The following SH2D3C variants were observed in gnomAD, a reference collection of about 807,000 sequenced individuals.
SH2D3C encodes the protein SH2 domain-containing protein 3C.
A neutral mutation model predicts 75.2 loss-of-function variants in SH2D3C; 25 were observed. That is an observed-to-expected ratio of 0.33 (90% CI 0.24 to 0.46). The LOEUF is 0.46. SH2D3C is among the 20% of genes least tolerant of loss of function. SH2D3C has a pLI of 1.00. For synonymous variants in SH2D3C, 450 were observed against 473.7 expected (o/e 0.95, Z 0.65); for missense variants, 933 against 1,165.3 (o/e 0.80, Z 2.90).
chr9:127,767,218 C>T (rs1413291979), intron 2 of SH2D3C: 9 of 1,511,210 alleles, frequency 6.0e-6, no homozygotes, highest in Middle Eastern at 4.7e-4. Context: ...CCATTCTTCC[C>T]AGAGCGGAGC....
At chr9:127,758,175 T>C (rs965542991) in intron 3 of SH2D3C, among the ~76,000 whole-genome samples, 4 of 152,050 alleles carry the variant, frequency 2.6e-5, no homozygotes, top group East Asian at 1.9e-4. Context: ...GATCTTGCTA[T>C]GTTGCCCAGG....
intron 5 of SH2D3C, among the ~76,000 whole-genome samples, chr9:127,748,004 G>A (rs1428650214): frequency 6.6e-6 from 1 of 152,162 alleles, no homozygotes; most frequent in African/African-American, 2.4e-5. Flanking sequence ...TTCCCAAGGA[G>A]GAGAGGATGG....
chr9:127,749,792 A>G lies in SH2D3C; in HGVS notation c.685-127T>C, dbSNP rs2233500. ...CCAGACCCAGGGCATAGAGGACCCA[A>G]TGAACAGAGACATCTGACATCTGAG... On this transcript the variant is annotated intron_variant, in intron 4 of 11. Coordinates refer to ENST00000314830, the MANE Select transcript of SH2D3C (RefSeq NM_170600.3). This position sits in a 1 kb window ranked among gnomAD's most constrained non-coding sequence, Gnocchi z 5.9. 41,796 of 644,060 alleles carry G rather than the reference A, an allele frequency of 0.065. 2,659 individuals are homozygous for G. The highest frequency in any genetic ancestry group is 0.26 in the African/African-American group (14,399 of 55,458). The allele number at this position is 644,060 out of a possible 1,614,324, so 39.9% of individuals were successfully genotyped here. A position where few individuals can be genotyped will look rare whatever the true frequency, so the allele number is the denominator to read the frequency against.
In SH2D3C at chr9:127,749,557, A is replaced by T; in HGVS notation, c.793T>A (p.Phe265Ile). 2 of 1,613,246 alleles carry T rather than the reference A, an allele frequency of 1.2e-6. No homozygotes were observed. Among genetic ancestry groups the T allele is most frequent in the Non-Finnish European group, 1.7e-6 (2 of 1,179,590 alleles). The change falls in exon 5 of 12, where the codon TTC becomes ATC. Residue 265 changes from phenylalanine to isoleucine, a missense_variant. Coordinates refer to ENST00000314830, the MANE Select transcript of SH2D3C (RefSeq NM_170600.3). The surrounding 1 kb of genome is among the most constrained non-coding windows in gnomAD (Gnocchi z 5.9). ...TCRWRNQALH[F>I]KINKVVVKAG... is the part of the protein sequence containing the mutation. ...TTCACCACCACCTTGTTGATCTTGA[A>T]GTGCAAGGCCTGGTTGCGCCAGCGG...
chr9:127,764,365 AT>A (rs1014669208), intron 2 of SH2D3C, among the ~76,000 whole-genome samples: 1 of 152,124 alleles, frequency 6.6e-6, no homozygotes, highest in Non-Finnish European at 1.5e-5. Flanking sequence ...TGCCTGGACT[AT>A]CACCACCACC....
Position 127,761,596 on chromosome 9 carries a change from G to A in SH2D3C, c.555+15C>T, listed in dbSNP as rs778435851. 3.7e-6 allele frequency: 6 copies of A among 1,603,770 alleles called. No homozygotes were observed. Among genetic ancestry groups the A allele is most frequent in the Non-Finnish European group, 4.3e-6 (5 of 1,172,198 alleles). On this transcript the variant is annotated intron_variant, in intron 3 of 11. Transcript: ENST00000314830. ...TTCAGTGTCCTCTGACCAACCCCTG[G>A]CCAGCCCCTCCTACCTTCACATAGT...
Position 127,744,779 on chromosome 9 carries a change from A to G in SH2D3C, c.1585T>C (p.Ser529Pro). The G allele has an allele frequency of 6.2e-7, 1 of 1,614,064 alleles. No individual in the cohort carries two copies. Among genetic ancestry groups the G allele is most frequent in the South Asian group, 1.1e-5 (1 of 91,080 alleles). Residue 529 changes from serine (S) to proline (P), a missense_variant, in exon 7 of 12, where the codon TCA becomes CCA. By Grantham distance (74) the Ser-to-Pro change is moderately conservative. Coordinates refer to ENST00000314830, the MANE Select transcript of SH2D3C (RefSeq NM_170600.3). The stretch of plus-strand genomic sequence containing the variant: ...TCCCCTTCAGGGGCCCCATTTTCTG[A>G]CAGTTCCTTTAGCCTCTCCCCATAG... Reference protein sequence around the residue: ...RSYGERLKELSENGAPEGDWG... With the variant: ...RSYGERLKELPENGAPEGDWG...
chr9:127,750,059 G>C (rs1016629367), intron 4 of SH2D3C, among the ~76,000 whole-genome samples: 1 of 152,012 alleles, frequency 6.6e-6, no homozygotes, highest in African/African-American at 2.4e-5. Context: ...CCAGTGCTCT[G>C]GCATGCCTCT....
Position 127,747,140 on chromosome 9 carries a change from G to C in SH2D3C, c.1264+7C>G, listed in dbSNP as rs772391306. The C allele has an allele frequency of 3.6e-5, 58 of 1,613,132 alleles. No individual in the cohort carries two copies. Among genetic ancestry groups the C allele is most frequent in the Non-Finnish European group, 4.4e-5 (52 of 1,179,692 alleles). On this transcript the variant is annotated splice_region_variant and intron_variant, in intron 6 of 11. Coordinates refer to ENST00000314830, the MANE Select transcript of SH2D3C (RefSeq NM_170600.3). ...TCCACCTGCTCCACCCCCTCTGCTG[G>C]CCATACCAGTGCTGTAGGCAGGGGA...
chr9:127,776,734 C>A (rs927499887), intron 1 of SH2D3C, among the ~76,000 whole-genome samples: 1 of 152,128 alleles, frequency 6.6e-6, no homozygotes, highest in African/African-American at 2.4e-5. Flanking sequence ...GGGAGGGACT[C>A]CCCCAGGGTC....
At chr9:127,758,843 C>A (rs1845457628) in intron 3 of SH2D3C, among the ~76,000 whole-genome samples, 1 of 152,238 alleles carries the variant, frequency 6.6e-6, no homozygotes, top group Non-Finnish European at 1.5e-5. Flanking sequence ...AAAGTCATCC[C>A]CTACCTCTGG....
chr9:127,756,639 G>GTTT (rs1845385658), intron 3 of SH2D3C, among the ~76,000 whole-genome samples: 1 of 133,704 alleles, frequency 7.5e-6, no homozygotes, highest in Admixed American at 7.3e-5. Flanking sequence ...GTAGGAGGGG[G>GTTT]CTTTTTTTTT....
Position 127,778,588 on chromosome 9 carries a change from C to CACTG in SH2D3C, c.36_37+2dup. 1 of 1,612,466 alleles carries CACTG rather than the reference C, an allele frequency of 6.2e-7. No individual in the cohort carries two copies. The highest frequency in any genetic ancestry group is 8.5e-7 in the Non-Finnish European group (1 of 1,178,478). ...GACAGTGCAGACGGCACCCCACACT[C>CACTG]ACTGAACTTTTTGCTGGTCTTCTTG... On this transcript the variant is annotated splice_region_variant and intron_variant, in intron 1 of 11. Coordinates refer to ENST00000314830, the MANE Select transcript of SH2D3C (RefSeq NM_170600.3).
chr9:127,771,210 CT>C, intron 2 of SH2D3C: 1 of 1,547,074 alleles, frequency 6.5e-7, no homozygotes. Context: ...CGCGGGGCAC[CT>C]TCGGCCCACA....
chr9:127,773,927 AAAAAG>A, intron 2 of SH2D3C, 58 bp downstream of exon 2: 47 of 1,023,664 alleles, frequency 4.6e-5, no homozygotes, highest in Non-Finnish European at 5.9e-5. Flanking sequence ...CAAAAAAAAA[AAAAAG>A]AAAAAGAAAA....
At chr9:127,769,007 T>G (rs966901094) in intron 2 of SH2D3C, among the ~76,000 whole-genome samples, 1 of 152,222 alleles carries the variant, frequency 6.6e-6, no homozygotes, top group African/African-American at 2.4e-5. Flanking sequence ...CTCCCCACTT[T>G]CGCCAACCAA....
intron 2 of SH2D3C, chr9:127,762,268 TTTCC>T (rs1223612032): frequency 8.1e-7 from 1 of 1,239,660 alleles, no homozygotes. Context: ...GACGGCTGTT[TTTCC>T]TTCCTTCCTC....
At chr9:127,765,325 A>G (rs1367834320) in intron 2 of SH2D3C, among the ~76,000 whole-genome samples, 1 of 152,146 alleles carries the variant, frequency 6.6e-6, no homozygotes, top group African/African-American at 2.4e-5. Flanking sequence ...ATTTCCTCTC[A>G]TGCAGGGACT....
Position 127,744,564 on chromosome 9 carries a change from C to T in SH2D3C, c.1800G>A (p.Leu600=). The change falls in exon 7 of 12, where the codon CTG becomes CTA. Residue 600 remains leucine (L), a splice_region_variant and synonymous_variant. Coordinates refer to ENST00000314830, the MANE Select transcript of SH2D3C (RefSeq NM_170600.3). ...LARHVTKVDC[L]VARILGVTKE... ...ACCCCAGTGCACAGCCAGCACCTACCAGGCAGTCCACCTTGGTGACATGCC... is the reference window on the plus strand; with the variant it reads ...ACCCCAGTGCACAGCCAGCACCTACTAGGCAGTCCACCTTGGTGACATGCC... 1.2e-6 allele frequency: 2 copies of T among 1,603,628 alleles called. No individual in the cohort carries two copies. The highest frequency in any genetic ancestry group is 1.7e-6 in the Non-Finnish European group (2 of 1,172,506).
Sources: gnomAD v4.1 joint callset for allele counts (sites outside exome capture counted in the v4.1 genomes callset) on GRCh38, gnomAD v4.1.1 for gene constraint, Gnocchi (gnomAD v3.1) non-coding constraint, MANE v1.5 for transcripts, NCBI Gene and HGNC (gene_info 2026-07-23, HGNC 2026-07-21) for gene names.